Variants in RALGAPA2 observed in about 807,000 individuals in gnomAD.
The protein encoded by RALGAPA2 is Ral GTPase activating protein catalytic subunit alpha 2.
RALGAPA2 carries 139 observed loss-of-function variants against 230.4 expected under a neutral mutation model. That is an observed-to-expected ratio of 0.60 (90% confidence interval 0.53 to 0.69). The LOEUF (loss-of-function observed/expected upper bound fraction) is 0.69, where lower values mean the gene tolerates loss of function less well. Ranked by LOEUF, RALGAPA2 falls within the 30% of genes least tolerant of loss-of-function variation. The probability of loss-of-function intolerance (pLI) is 0.00; values close to 1 mark genes in which losing one functional copy is unlikely to be tolerated. For synonymous variants in RALGAPA2, 847 were observed against 837.8 expected (o/e 1.01, Z -0.19); for missense variants, 2,163 against 2,276.0 (o/e 0.95, Z 1.01).
At chr20:20,481,194 C>A (rs753003145) in intron 36 of RALGAPA2, among the ~76,000 whole-genome samples, 14 of 152,224 alleles carry the variant, frequency 9.2e-5, no homozygotes, top group Non-Finnish European at 1.8e-4. Context: ...AGCATGCCAG[C>A]ACAAGGAAGT....
chr20:20,423,310 G>A (rs1424302748), intron 37 of RALGAPA2, among the ~76,000 whole-genome samples: 4 of 152,210 alleles, frequency 2.6e-5, no homozygotes, highest in Non-Finnish European at 5.9e-5. Context: ...GAGCTGAAGA[G>A]CTGAGTCATG....
chr20:20,624,378 A>G (rs1354488476), intron 10 of RALGAPA2, among the ~76,000 whole-genome samples: 3 of 151,780 alleles, frequency 2.0e-5, no homozygotes, highest in African/African-American at 7.3e-5. Flanking sequence ...CTTCCCCATC[A>G]TAAAAGGACT....
intron 31 of RALGAPA2, among the ~76,000 whole-genome samples, chr20:20,518,726 A>G (rs143091283): frequency 9.9e-5 from 15 of 152,258 alleles, no homozygotes; most frequent in African/African-American, 3.1e-4. Flanking sequence ...TTTTTCAATA[A>G]CCTATTTATC....
intron 16 of RALGAPA2, among the ~76,000 whole-genome samples, chr20:20,600,156 C>G (rs981963341): frequency 2.6e-5 from 4 of 151,500 alleles, no homozygotes; most frequent in African/African-American, 9.7e-5. Context: ...ATTAGCCTGG[C>G]ATAGTGGTGC....
At chr20:20,676,113 G>A (rs1330562881) in intron 3 of RALGAPA2, 123 bp downstream of exon 3, 1 of 646,342 alleles carries the variant, frequency 1.5e-6, no homozygotes, top group African/African-American at 1.9e-5. Context: ...GAGGAAGGAA[G>A]GAAAGAAAAA....
chr20:20,466,228 A>G (rs980832039), intron 37 of RALGAPA2, among the ~76,000 whole-genome samples: 1 of 152,254 alleles, frequency 6.6e-6, no homozygotes, highest in African/African-American at 2.4e-5. Context: ...GGAGAAGTCA[A>G]AAGTCTAGAT....
chr20:20,398,541 A>G lies in RALGAPA2; in HGVS notation c.5618-1807T>C, dbSNP rs1340366358. Among the ~76,000 whole-genome samples the G allele has an allele frequency of 2.6e-5, 4 of 152,266 alleles. No individual in the cohort carries two copies. Among genetic ancestry groups the G allele is most frequent in the Non-Finnish European group, 4.4e-5 (3 of 68,024 alleles). On this transcript the variant is annotated intron_variant, in intron 38 of 39. Transcript: ENST00000202677. The surrounding 1 kb of genome is among the most constrained non-coding windows in gnomAD (Gnocchi z 4.5). ...GCCCTTGACACACGGCGGTGCTCCC[A>G]AAGGGTGGGGTTCCAGTCGTGGAGC...
chr20:20,397,075 T>C (rs1280075380), intron 38 of RALGAPA2, among the ~76,000 whole-genome samples: 1 of 152,228 alleles, frequency 6.6e-6, no homozygotes, highest in African/African-American at 2.4e-5. Context: ...GCTCTCCAAC[T>C]TTTCCTGACT....
chr20:20,684,047 C>G (rs1398470207), intron 1 of RALGAPA2, among the ~76,000 whole-genome samples: 1 of 152,194 alleles, frequency 6.6e-6, no homozygotes, highest in Non-Finnish European at 1.5e-5. Context: ...AACAGACACT[C>G]TCTGACTCTC....
At chr20:20,680,223 C>A (rs572344571) in intron 2 of RALGAPA2, among the ~76,000 whole-genome samples, 2 of 152,300 alleles carry the variant, frequency 1.3e-5, no homozygotes, top group East Asian at 3.9e-4. Flanking sequence ...TATAATGTGA[C>A]CTTGTTGGTT....
intron 26 of RALGAPA2, among the ~76,000 whole-genome samples, chr20:20,532,458 A>G (rs1215615073): frequency 6.6e-6 from 1 of 152,168 alleles, no homozygotes; most frequent in African/African-American, 2.4e-5. Context: ...AGGTGTAGGA[A>G]AAAGAAGAAA....
At chr20:20,412,313 A>C (rs773695141) in intron 37 of RALGAPA2, among the ~76,000 whole-genome samples, 165 bp from the exon 38 acceptor site, 7 of 152,230 alleles carry the variant, frequency 4.6e-5, no homozygotes, top group Non-Finnish European at 5.9e-5. Flanking sequence ...ATTCATACCC[A>C]AATTCTGGTT....
At chr20:20,648,522 C>G (rs575014217) in intron 4 of RALGAPA2, among the ~76,000 whole-genome samples, 1 of 151,902 alleles carries the variant, frequency 6.6e-6, no homozygotes, top group Non-Finnish European at 1.5e-5. Flanking sequence ...AATTGTTAAC[C>G]ACCCCCCATA....
chr20:20,565,287 A>G (rs777709315), intron 23 of RALGAPA2, among the ~76,000 whole-genome samples: 1 of 152,202 alleles, frequency 6.6e-6, no homozygotes, highest in Non-Finnish European at 1.5e-5. Context: ...TATCTAACAT[A>G]TATGGTTCCA....
chr20:20,664,499 A>T (rs928044884), intron 3 of RALGAPA2, among the ~76,000 whole-genome samples: 1 of 152,176 alleles, frequency 6.6e-6, no homozygotes, highest in African/African-American at 2.4e-5. Context: ...CGAATAAAGC[A>T]TTCACTAAAA....
At position 20,611,388 on chromosome 20, in the gene RALGAPA2, GCTTC is replaced by G. The variant is rs1268009869; in HGVS notation, c.1723_1726del (p.Glu575LeufsTer11). 6.2e-7 allele frequency: 1 copy of G among 1,613,546 alleles called. No homozygotes were observed. The highest frequency in any genetic ancestry group is 8.5e-7 in the Non-Finnish European group (1 of 1,179,618). ...TTTATCCTTTGGCTTCTGCATGACA[GCTTC>G]TGTTATCCTGAGTAGTATTTGCAAC... On this transcript the variant is annotated frameshift_variant, in exon 14 of 40. Transcript: ENST00000202677. LOFTEE classifies it high-confidence loss of function.
chr20:20,436,774 T>C (rs1471284989), intron 37 of RALGAPA2, among the ~76,000 whole-genome samples: 3 of 152,202 alleles, frequency 2.0e-5, no homozygotes, highest in African/African-American at 7.2e-5. Flanking sequence ...GGAGAGGCAA[T>C]GCGTCAAGCC....
intron 30 of RALGAPA2, among the ~76,000 whole-genome samples, chr20:20,521,923 T>C (rs1000042763): frequency 6.6e-6 from 1 of 152,256 alleles, no homozygotes; most frequent in African/African-American, 2.4e-5. Context: ...TGTGGTCAGG[T>C]ACCCTTTGTA....
intron 37 of RALGAPA2, among the ~76,000 whole-genome samples, chr20:20,443,464 T>C (rs1281614598): frequency 6.6e-6 from 1 of 152,232 alleles, no homozygotes; most frequent in East Asian, 1.9e-4. Context: ...TTTCCCCTTG[T>C]ATCTCTGGAT....
Sources: allele counts gnomAD v4.1 joint callset (sites outside exome capture counted in the v4.1 genomes callset), GRCh38; gene constraint gnomAD v4.1.1; non-coding constraint Gnocchi (gnomAD v3.1); transcripts MANE v1.5; gene names NCBI Gene and HGNC (gene_info 2026-07-23, HGNC 2026-07-21).